The following PCNX3 variants were observed in gnomAD, a reference collection of about 807,000 sequenced individuals.
PCNX3 encodes pecanex 3.
Under a neutral mutation model 207.2 loss-of-function variants are expected in PCNX3, and 58 were observed. That is an observed-to-expected ratio of 0.28 (90% CI 0.23 to 0.35). The LOEUF (loss-of-function observed/expected upper bound fraction) is 0.35, where lower values mean the gene tolerates loss of function less well. Among genes scored for constraint, PCNX3 ranks in the 10% least tolerant of loss-of-function variants. The pLI is 1.00. For synonymous variants in PCNX3, 1,337 were observed against 1,183.5 expected, an observed-to-expected ratio of 1.13 and a Z score of -2.66; for missense variants, 2,410 against 2,774.4, an observed-to-expected ratio of 0.87 and a Z score of 2.95.
In PCNX3 at chr11:65,625,233, A is replaced by G. The variant is rs187327032; in HGVS notation, c.2982A>G (p.Ala994=). The G allele has an allele frequency of 4.6e-4, 749 of 1,611,186 alleles. No homozygotes were observed. The African/African-American group carries it at 8.9e-3, about 19-fold the overall frequency. The change falls in exon 17 of 35, where the codon GCA becomes GCG. Residue 994 remains alanine (A), a synonymous_variant. Transcript: ENST00000355703. This position sits in a 1 kb window ranked among gnomAD's most constrained non-coding sequence, Gnocchi z 5.6. ...CAGTCTTCTGTGGCCTCCTGGTGGC[A>G]CTGTCCTACCACCTGAGCCGGCAGA... ...LFSVFCGLLV[A]LSYHLSRQSS... is the part of the protein sequence containing the mutation.
chr11:65,628,556 C>T (rs772853163), intron 22 of PCNX3, 39 bp from the exon 23 acceptor site: 3 of 1,589,558 alleles, frequency 1.9e-6, no homozygotes, highest in African/African-American at 2.7e-5. Flanking sequence ...CATGAGTGAC[C>T]CTGCATGTCT....
In PCNX3 at chr11:65,617,983, C is replaced by A. The variant is rs200269322; in HGVS notation, c.621C>A (p.Pro207=). Residue 207 remains proline (P), a synonymous_variant, in exon 6 of 35, where the codon CCC becomes CCA. Coordinates refer to ENST00000355703, the MANE Select transcript of PCNX3 (RefSeq NM_032223.4). ...CGCCTCCAGGGGCTGTCCCAGACCC[C>A]TCTCTTGCCAGTACAGACTCTTCAG... is the stretch of plus-strand genomic sequence containing the variant. The part of the protein sequence containing the change: ...PQTPPGAVPD[P]SLASTDSSEP... 6.2e-7 allele frequency: 1 copy of A among 1,609,696 alleles called. No homozygotes were observed. Among genetic ancestry groups the A allele is most frequent in the East Asian group, 2.2e-5 (1 of 44,812 alleles).
At chr11:65,634,894 T>G in intron 29 of PCNX3, 79 bp from the exon 30 acceptor site, 1 of 1,514,134 alleles carries the variant, frequency 6.6e-7, no homozygotes, top group African/African-American at 1.4e-5. Flanking sequence ...AGGAAAGGCC[T>G]CTGCTTGGAT....
intron 5 of PCNX3, 92 bp downstream of exon 5, chr11:65,617,798 C>G (rs1854826722): frequency 6.7e-7 from 1 of 1,482,336 alleles, no homozygotes; most frequent in Non-Finnish European, 9.2e-7. Flanking sequence ...TGGGTCTCCT[C>G]TGTATTCCTC....
In PCNX3 at chr11:65,620,977, G is replaced by T. The variant is rs754057678; in HGVS notation, c.2235+11G>T. The T allele has an allele frequency of 2.2e-5, 33 of 1,527,764 alleles. No homozygotes were observed. Among genetic ancestry groups the T allele is most frequent in the Non-Finnish European group, 2.7e-5 (31 of 1,135,444 alleles). The allele number at this position is 1,527,764 out of a possible 1,614,324, so 94.6% of individuals were successfully genotyped here. ...CTGGAGATCCCGGAGGTGAGGAGCAGCCGGGGAAGGGCCGTGCCAGTGGGG... is the reference window on the plus strand; with the variant it reads ...CTGGAGATCCCGGAGGTGAGGAGCATCCGGGGAAGGGCCGTGCCAGTGGGG... On this transcript the variant is annotated intron_variant, in intron 10 of 34. Transcript: ENST00000355703.
intron 29 of PCNX3, 70 bp downstream of exon 29, chr11:65,634,711 G>A: frequency 1.4e-6 from 2 of 1,419,892 alleles, no homozygotes; most frequent in South Asian, 2.5e-5. Flanking sequence ...GAGCACTGTG[G>A]TCTCTGGCCA....
intron 15 of PCNX3, 94 bp downstream of exon 15, chr11:65,624,675 TC>T (rs1855287008): frequency 4.2e-6 from 5 of 1,186,030 alleles, no homozygotes; most frequent in Non-Finnish European, 4.8e-6. Flanking sequence ...TGCGGAACCT[TC>T]TCCTGCGTCT....
intron 11 of PCNX3, 40 bp from the exon 12 acceptor site, chr11:65,623,451 G>C: frequency 6.5e-7 from 1 of 1,544,278 alleles, no homozygotes; most frequent in Non-Finnish European, 8.7e-7. Context: ...ACTGGAAGGT[G>C]AGGCAAGACG....
chr11:65,616,160 C>T lies in PCNX3; in HGVS notation c.-152C>T, dbSNP rs1854714613. 3 of 494,594 alleles carry T rather than the reference C, an allele frequency of 6.1e-6. No homozygotes were observed. The highest frequency in any genetic ancestry group is 9.6e-6 in the Non-Finnish European group (3 of 312,640). The allele number at this position is 494,594 out of a possible 1,614,324, so 30.6% of individuals were successfully genotyped here. A position where few individuals can be genotyped will look rare whatever the true frequency, so the allele number is the denominator to read the frequency against. ...CGGCCCCGCCCCCTGCTCGCACCCT[C>T]GCGCGGCCGAGCCCCCCTCCCCCGC... On this transcript the variant is annotated 5_prime_UTR_variant, in exon 1 of 35. Transcript: ENST00000355703.
Position 65,618,474 on chromosome 11 carries a change from C to T in PCNX3, c.1112C>T (p.Pro371Leu), listed in dbSNP as rs1854877784. ...GACACGGTCATTGGAGCAGGGACGC[C>T]ACCGGGCCTGGCTGAGCCGCTCCTG... ...SFDTVIGAGT[P>L]PGLAEPLLVV... The change falls in exon 6 of 35, where the codon CCA becomes CTA. Residue 371 changes from proline to leucine, a missense_variant. Transcript: ENST00000355703. 1 of 1,608,684 alleles carries T rather than the reference C, an allele frequency of 6.2e-7. No individual in the cohort carries two copies. Among genetic ancestry groups the T allele is most frequent in the South Asian group, 1.1e-5 (1 of 90,630 alleles).
chr11:65,617,097 A>G, intron 2 of PCNX3, 86 bp downstream of exon 2: 1 of 1,432,058 alleles, frequency 7.0e-7, no homozygotes, highest in African/African-American at 1.4e-5. Context: ...GGCTTAGGGA[A>G]CATTGGCTCT....
At chr11:65,620,274 A>C (rs897313888) in intron 8 of PCNX3, 65 bp from the exon 9 acceptor site, 26 of 1,486,056 alleles carry the variant, frequency 1.7e-5, no homozygotes, top group Non-Finnish European at 2.3e-5. Context: ...TCTGGTGCCC[A>C]CGTGAGCCGG....
chr11:65,620,055 A>G (rs1855002780), intron 8 of PCNX3, 123 bp downstream of exon 8: 6 of 1,098,532 alleles, frequency 5.5e-6, no homozygotes, highest in Middle Eastern at 2.4e-4. Context: ...GCCAGACATC[A>G]TCCTTGCAGC....
intron 27 of PCNX3, among the ~76,000 whole-genome samples, chr11:65,631,514 C>G (rs1025380377): frequency 6.6e-6 from 1 of 152,094 alleles, no homozygotes; most frequent in South Asian, 2.1e-4. Flanking sequence ...AAATAATTAG[C>G]CGGGTGTGAT....
chr11:65,634,493 C>T, intron 28 of PCNX3, 45 bp from the exon 29 acceptor site: 1 of 1,544,528 alleles, frequency 6.5e-7, no homozygotes, highest in Non-Finnish European at 8.7e-7. Flanking sequence ...AGGTCCCTGT[C>T]CCAGGTCTGA....
rs1210604504 is a variant in PCNX3 at position 65,617,116 on chromosome 11, T to C, written c.341+105T>C. On this transcript the variant is annotated intron_variant, in intron 2 of 34. Transcript: ENST00000355703. Reference sequence around the variant, plus strand: ...TAGGGAACATTGGCTCTCTGAGTGATTGTGAACACTTGTCCTGTGTTAGCC... The same window carrying C: ...TAGGGAACATTGGCTCTCTGAGTGACTGTGAACACTTGTCCTGTGTTAGCC... The C allele has an allele frequency of 4.3e-6, 6 of 1,384,408 alleles. No homozygotes were observed. The African/African-American group carries it at 7.2e-5, about 17-fold the overall frequency. The allele number at this position is 1,384,408 out of a possible 1,614,324, so 85.8% of individuals were successfully genotyped here. A position where few individuals can be genotyped will look rare whatever the true frequency, so the allele number is the denominator to read the frequency against.
At position 65,635,861 on chromosome 11, in the gene PCNX3, CCCT is replaced by C. The variant is rs1855811402; in HGVS notation, c.5459+62_5459+64del. On this transcript the variant is annotated intron_variant, in intron 32 of 34. Coordinates refer to ENST00000355703, the MANE Select transcript of PCNX3 (RefSeq NM_032223.4). The surrounding 1 kb of genome is among the most constrained non-coding windows in gnomAD (Gnocchi z 9.9). ...GGGAGGAAGCTGAGGTGCAGTACGT[CCCT>C]CCTGGGTCTCAGAGGGAGGACGTGC... 2.6e-6 allele frequency: 4 copies of C among 1,536,408 alleles called. No homozygotes were observed. In the East Asian group the frequency reaches 9.3e-5, roughly 36 times the overall value.
intron 1 of PCNX3, 114 bp from the exon 2 acceptor site, chr11:65,616,710 G>A (rs1174962672): frequency 4.2e-6 from 5 of 1,194,744 alleles, no homozygotes; most frequent in Non-Finnish European, 5.9e-6. Context: ...GTTGTGTGGA[G>A]AGGTGATGAA....
At chr11:65,630,234 C>G in intron 26 of PCNX3, 117 bp from the exon 27 acceptor site, 1 of 1,411,730 alleles carries the variant, frequency 7.1e-7, no homozygotes, top group Non-Finnish European at 9.5e-7. Flanking sequence ...GTTGACTCCC[C>G]TGGCGTCCAA....
Sources: gnomAD v4.1 joint callset for allele counts (sites outside exome capture counted in the v4.1 genomes callset) on GRCh38, gnomAD v4.1.1 for gene constraint, Gnocchi (gnomAD v3.1) non-coding constraint, MANE v1.5 for transcripts, NCBI Gene and HGNC (gene_info 2026-07-23, HGNC 2026-07-21) for gene names.